The following FKBP1A variants were observed in gnomAD, a reference collection of about 807,000 sequenced individuals.
The protein encoded by FKBP1A is peptidyl-prolyl cis-trans isomerase FKBP1A.
In FKBP1A, 5 loss-of-function variants were observed where a neutral mutation model predicts 14.2. The ratio of observed to expected loss-of-function variants is 0.35; its 90% CI spans 0.18 to 0.74. FKBP1A has a LOEUF of 0.74. Ranked by LOEUF, FKBP1A falls within the 30% of genes least tolerant of loss-of-function variation. The pLI, the probability that FKBP1A is intolerant of heterozygous loss-of-function variation, is 0.56. For synonymous variants in FKBP1A, 42 were observed against 49.1 expected (o/e 0.86, Z 0.60); for missense variants, 53 against 138.8 (o/e 0.38, Z 3.10).
chr20:1,382,266 TAAAG>T (rs1413552147), intron 2 of FKBP1A, among the ~76,000 whole-genome samples: 3 of 152,142 alleles, frequency 2.0e-5, no homozygotes, highest in Non-Finnish European at 2.9e-5. Flanking sequence ...CATAATTTCC[TAAAG>T]AAAGCGTGCC....
chr20:1,389,923 G>A (rs1336704279), intron 2 of FKBP1A, among the ~76,000 whole-genome samples: 2 of 152,142 alleles, frequency 1.3e-5, no homozygotes, highest in Non-Finnish European at 2.9e-5. Context: ...GCTCCTAGGA[G>A]ATGCTTAGCT....
At chr20:1,381,814 G>A (rs541809861) in intron 2 of FKBP1A, among the ~76,000 whole-genome samples, 1 of 152,290 alleles carries the variant, frequency 6.6e-6, no homozygotes, top group African/African-American at 2.4e-5. Context: ...AAAGAAGGCA[G>A]ACATAAGAGA....
intron 4 of FKBP1A, chr20:1,370,798 C>T (rs1405631403): frequency 1.0e-6 from 1 of 985,194 alleles, no homozygotes; most frequent in Admixed American, 6.2e-5. Context: ...TCCAAGGCTC[C>T]CTCGAGTACA....
Position 1,392,822 on chromosome 20 carries a change from C to G in FKBP1A, c.85+12G>C. Reference sequence around the variant, plus strand: ...CGGCCCGGGCCCCCTCCCCGCTGGGCCCCCGACTCACCGGTGTAGTGCACC... The same window carrying G: ...CGGCCCGGGCCCCCTCCCCGCTGGGGCCCCGACTCACCGGTGTAGTGCACC... On this transcript the variant is annotated intron_variant, in intron 2 of 4. Transcript: ENST00000400137. The G allele has an allele frequency of 6.7e-7, 1 of 1,498,032 alleles. No individual in the cohort carries two copies. Among genetic ancestry groups the G allele is most frequent in the South Asian group, 1.3e-5 (1 of 79,928 alleles). The allele number at this position is 1,498,032 out of a possible 1,614,324, so 92.8% of individuals were successfully genotyped here.
At chr20:1,377,219 G>A (rs1244505311) in intron 2 of FKBP1A, 1 of 152,230 alleles carries the variant, frequency 6.6e-6, no homozygotes. Context: ...TAAGTAGGAT[G>A]GGGAGGCAGA....
At position 1,379,002 on chromosome 20, in the gene FKBP1A, T is replaced by A. The variant is rs1307102507; in HGVS notation, c.86-3399A>T. ...CTACATGGCATATACTTCTCATTTT[T>A]AAAAAGAATGCTGATTGTGACCCAC... On this transcript the variant is annotated intron_variant, in intron 2 of 4. Transcript: ENST00000400137. The surrounding 1 kb of genome is among the most constrained non-coding windows in gnomAD (Gnocchi z 4.3). Among the ~76,000 whole-genome samples the A allele has an allele frequency of 6.6e-6, 1 of 152,206 alleles. No homozygotes were observed. The highest frequency in any genetic ancestry group is 2.4e-5 in the African/African-American group (1 of 41,450).
chr20:1,370,865 G>A (rs2089454476), intron 4 of FKBP1A: 3 of 985,324 alleles, frequency 3.0e-6, no homozygotes, highest in Middle Eastern at 1.0e-3. Flanking sequence ...TTTGGCCTAG[G>A]TGCAGACCTC....
chr20:1,373,372 G>A (rs1408628588), intron 3 of FKBP1A, among the ~76,000 whole-genome samples: 1 of 152,170 alleles, frequency 6.6e-6, no homozygotes, highest in African/African-American at 2.4e-5. Flanking sequence ...AGATGTCCAA[G>A]ATGGATGAAA....
At chr20:1,391,663 G>C in intron 2 of FKBP1A, 1 of 398,654 alleles carries the variant, frequency 2.5e-6, no homozygotes, top group Non-Finnish European at 4.4e-6. Context: ...ATGTTTCCAT[G>C]ATTTGGAAGA....
rs1057392409 is a variant in FKBP1A, at chr20:1,387,915, A to T, written c.85+4919T>A. On this transcript the variant is annotated intron_variant, in intron 2 of 4. Coordinates refer to ENST00000400137, the MANE Select transcript of FKBP1A (RefSeq NM_000801.5). ...TCTTATAGAAGGATAACAGCTAATA[A>T]ATTTAGAAAGAATGAAGGAATTTTA... 1.4e-4 allele frequency among the ~76,000 whole-genome samples: 21 copies of T among 152,324 alleles called. 1 individual carries two copies. Among genetic ancestry groups the T allele is most frequent in the Admixed American group, 1.1e-3 (17 of 15,302 alleles).
At chr20:1,375,754 C>T in intron 2 of FKBP1A, 151 bp from the exon 3 acceptor site, 2 of 659,202 alleles carry the variant, frequency 3.0e-6, no homozygotes, top group Non-Finnish European at 5.5e-6. Flanking sequence ...CCTCACTGGA[C>T]ATCTAAGGAG....
rs1359032670 is a variant in FKBP1A, at chr20:1,379,751, G to A, written c.86-4148C>T. Among the ~76,000 whole-genome samples, 3 of 152,058 alleles carry A rather than the reference G, an allele frequency of 2.0e-5. No individual in the cohort carries two copies. Among genetic ancestry groups the A allele is most frequent in the African/African-American group, 7.2e-5 (3 of 41,388 alleles). On this transcript the variant is annotated intron_variant, in intron 2 of 4. Transcript: ENST00000400137. This position sits in a 1 kb window ranked among gnomAD's most constrained non-coding sequence, Gnocchi z 4.3. The stretch of plus-strand genomic sequence containing the variant: ...TCCAAGGAGAGGATTTCCCATAATC[G>A]AGTCCGAAAGCTAAACAATAATCCC...
chr20:1,392,936 C>T, intron 1 of FKBP1A, 26 bp downstream of exon 1: 1 of 1,494,170 alleles, frequency 6.7e-7, no homozygotes, highest in East Asian at 2.5e-5. Flanking sequence ...CAGAGGTACT[C>T]CGAGCCGCCG....
intron 2 of FKBP1A, among the ~76,000 whole-genome samples, chr20:1,391,134 G>C (rs2089731103): frequency 6.6e-6 from 1 of 152,202 alleles, no homozygotes; most frequent in Non-Finnish European, 1.5e-5. Context: ...ATGAGGGGCA[G>C]ACGTGGGAGT....
chr20:1,389,988 T>C (rs2089714130), intron 2 of FKBP1A, among the ~76,000 whole-genome samples: 1 of 152,162 alleles, frequency 6.6e-6, no homozygotes, highest in South Asian at 2.1e-4. Context: ...GTGCAGGCAT[T>C]CCTTTGAGGC....
At chr20:1,388,761 C>T (rs2089698135) in intron 2 of FKBP1A, among the ~76,000 whole-genome samples, 2 of 151,936 alleles carry the variant, frequency 1.3e-5, no homozygotes, top group African/African-American at 2.4e-5. Flanking sequence ...GGGGCGGGGG[C>T]GGGCATTAAA....
chr20:1,372,812 A>G (rs1245281114), intron 3 of FKBP1A, among the ~76,000 whole-genome samples: 3 of 152,246 alleles, frequency 2.0e-5, no homozygotes, highest in African/African-American at 4.8e-5. Flanking sequence ...AAATATTGAT[A>G]TGCCTACAAC....
chr20:1,378,659 T>C (rs2089581002), intron 2 of FKBP1A: 1 of 152,198 alleles, frequency 6.6e-6, no homozygotes, highest in Non-Finnish European at 1.5e-5. Flanking sequence ...TCTCTGTACA[T>C]GCCTCTCAAT....
In FKBP1A at chr20:1,370,398, T is replaced by C. The variant is rs372842740; in HGVS notation, c.*37-326A>G. On this transcript the variant is annotated intron_variant, in intron 4 of 4. Transcript: ENST00000400137. Reference sequence around the variant, plus strand: ...ATTGGGTCTCAAACTGTGCTACATATAGGCATCACCTGGGGGCTTTAAAAA... The same window carrying C: ...ATTGGGTCTCAAACTGTGCTACATACAGGCATCACCTGGGGGCTTTAAAAA... 1.4e-5 allele frequency: 14 copies of C among 983,914 alleles called. No individual in the cohort carries two copies. In the East Asian group the frequency reaches 6.8e-4, roughly 48 times the overall value. 60.9% of individuals were successfully genotyped at this position (983,914 alleles called of 1,614,324 possible).
Sources: allele counts gnomAD v4.1 joint callset (sites outside exome capture counted in the v4.1 genomes callset), GRCh38; gene constraint gnomAD v4.1.1; non-coding constraint Gnocchi (gnomAD v3.1); transcripts MANE v1.5; gene names NCBI Gene and HGNC (gene_info 2026-07-23, HGNC 2026-07-21).